The following FAIM variants were observed in gnomAD, a reference collection of about 807,000 sequenced individuals.
FAIM encodes fas apoptotic inhibitory molecule 1.
FAIM carries 14 observed loss-of-function variants against 21.2 expected under a neutral mutation model. The observed-to-expected ratio is 0.66, with a 90% CI of 0.44 to 1.03. The LOEUF is 1.03. Among genes scored for constraint, FAIM ranks in the 50% least tolerant of loss-of-function variants. The probability of loss-of-function intolerance (pLI) is 0.00; values close to 1 mark genes in which losing one functional copy is unlikely to be tolerated. For missense variants in FAIM, 222 were observed against 247.1 expected (o/e 0.90, Z 0.68); for synonymous variants, 86 against 80.4 (o/e 1.07, Z -0.37).
intron 1 of FAIM, among the ~76,000 whole-genome samples, chr3:138,609,301 C>T (rs1252876004): frequency 6.6e-6 from 1 of 151,624 alleles, no homozygotes; most frequent in Admixed American, 6.6e-5. Flanking sequence ...CCTAGCGAGG[C>T]CCTGCCCCGC....
In FAIM at chr3:138,633,215, C is replaced by A; in HGVS notation, c.*136C>A. 2 of 735,422 alleles carry A rather than the reference C, an allele frequency of 2.7e-6. No individual in the cohort carries two copies. The highest frequency in any genetic ancestry group is 3.9e-6 in the Non-Finnish European group (2 of 506,602). 45.6% of individuals were successfully genotyped at this position (735,422 alleles called of 1,614,324 possible). The stretch of plus-strand genomic sequence containing the variant: ...AAAAAGTTACATGAAACTAACATTC[C>A]AAGGGTCAGGAAAAAAACCAATTAT... On this transcript the variant is annotated 3_prime_UTR_variant, in exon 6 of 6. Transcript: ENST00000360570.
chr3:138,617,672 T>A (rs1316256917), intron 1 of FAIM, among the ~76,000 whole-genome samples: 1 of 139,724 alleles, frequency 7.2e-6, no homozygotes, highest in Non-Finnish European at 1.5e-5. Flanking sequence ...ATATATATGT[T>A]TTGAGACAGG....
intron 1 of FAIM, among the ~76,000 whole-genome samples, chr3:138,613,928 G>C (rs2042798996): frequency 6.6e-6 from 1 of 152,158 alleles, no homozygotes; most frequent in Non-Finnish European, 1.5e-5. Context: ...TGTGGTTTTA[G>C]CTCTTACATT....
intron 1 of FAIM, among the ~76,000 whole-genome samples, chr3:138,614,245 G>C (rs2042802022): frequency 6.6e-6 from 1 of 152,100 alleles, no homozygotes; most frequent in South Asian, 2.1e-4. Context: ...TTTGAGACCA[G>C]CTGGGGCAAC....
rs964851671 is a variant in FAIM at position 138,611,022 on chromosome 3, A to T, written c.-17+2085A>T. 1.5e-5 allele frequency: 24 copies of T among 1,613,024 alleles called. No homozygotes were observed. The highest frequency in any genetic ancestry group is 1.9e-5 in the Non-Finnish European group (22 of 1,179,282). ...TATAATCATCTCTTGGTATCTCCGGACTCTGCCACTCTGAGGTTAGTGCCC... is the reference window on the plus strand; with the variant it reads ...TATAATCATCTCTTGGTATCTCCGGTCTCTGCCACTCTGAGGTTAGTGCCC... On this transcript the variant is annotated intron_variant, in intron 1 of 5. Transcript: ENST00000360570.
At chr3:138,623,687 A>G (rs1033164821) in intron 4 of FAIM, among the ~76,000 whole-genome samples, 2 of 152,110 alleles carry the variant, frequency 1.3e-5, no homozygotes, top group Non-Finnish European at 2.9e-5. Context: ...ATTCTTAACA[A>G]CAATATTCTT....
intron 4 of FAIM, among the ~76,000 whole-genome samples, chr3:138,623,811 G>A (rs1253591747): frequency 1.3e-5 from 2 of 152,216 alleles, no homozygotes; most frequent in South Asian, 2.1e-4. Context: ...CACAACTCCT[G>A]CTTTCATCTT....
rs1413855637 is a variant in FAIM at position 138,633,355 on chromosome 3, A to G, written c.*276A>G. On this transcript the variant is annotated 3_prime_UTR_variant, in exon 6 of 6. Coordinates refer to ENST00000360570, the MANE Select transcript of FAIM (RefSeq NM_001033031.2). ...ATGTTTTACAACAGTAACCTTTACT[A>G]TAATAAATACTTTTAAAAAAATCTG... is the stretch of plus-strand genomic sequence containing the variant. The G allele has an allele frequency of 2.4e-5, 5 of 208,274 alleles. No individual in the cohort carries two copies. Among genetic ancestry groups the G allele is most frequent in the Non-Finnish European group, 3.8e-5 (4 of 104,406 alleles). 12.9% of individuals were successfully genotyped at this position (208,274 alleles called of 1,614,324 possible). A position where few individuals can be genotyped will look rare whatever the true frequency, so the allele number is the denominator to read the frequency against.
intron 5 of FAIM, chr3:138,629,692 G>A (rs879659953): frequency 1.3e-5 from 2 of 152,200 alleles, no homozygotes; most frequent in Non-Finnish European, 2.9e-5. Flanking sequence ...TGTAAAATGA[G>A]TGATACAATA....
At chr3:138,616,845 C>T (rs1039914763) in intron 1 of FAIM, among the ~76,000 whole-genome samples, 1 of 151,876 alleles carries the variant, frequency 6.6e-6, no homozygotes, top group Admixed American at 6.6e-5. Context: ...TGATTTGTTA[C>T]TTGGTTTAAG....
At chr3:138,616,131 A>G (rs1277942665) in intron 1 of FAIM, among the ~76,000 whole-genome samples, 2 of 152,212 alleles carry the variant, frequency 1.3e-5, no homozygotes. Context: ...ATTTCCCCGT[A>G]ATGAAGGAGA....
At chr3:138,627,331 G>A (rs185378731) in intron 4 of FAIM, among the ~76,000 whole-genome samples, 105 of 151,906 alleles carry the variant, frequency 6.9e-4, no homozygotes, top group African/African-American at 2.2e-3. Flanking sequence ...ACAGGCGCCC[G>A]CCACTACGTC....
chr3:138,609,331 C>T (rs2042725681), intron 1 of FAIM, among the ~76,000 whole-genome samples: 1 of 151,870 alleles, frequency 6.6e-6, no homozygotes, highest in Admixed American at 6.6e-5. Context: ...CACCCTCCTC[C>T]GGCCTGTTCG....
At chr3:138,616,813 A>G (rs1382038818) in intron 1 of FAIM, among the ~76,000 whole-genome samples, 2 of 152,174 alleles carry the variant, frequency 1.3e-5, no homozygotes, top group Non-Finnish European at 2.9e-5. Context: ...AAAACTGGCA[A>G]AGAGAGTAAC....
intron 5 of FAIM, chr3:138,630,355 G>C (rs1335063786): frequency 1.3e-5 from 2 of 152,184 alleles, no homozygotes; most frequent in Non-Finnish European, 2.9e-5. Context: ...TGGTAGCACA[G>C]GTCTGTAGTG....
At chr3:138,621,258 A>G in intron 2 of FAIM, 149 bp from the exon 3 acceptor site, 1 of 735,800 alleles carries the variant, frequency 1.4e-6, no homozygotes, top group Non-Finnish European at 2.2e-6. Flanking sequence ...AAATAGTTAC[A>G]TGTACTGTGA....
At chr3:138,614,024 C>G (rs776628574) in intron 1 of FAIM, among the ~76,000 whole-genome samples, 4 of 152,150 alleles carry the variant, frequency 2.6e-5, no homozygotes, top group Non-Finnish European at 2.9e-5. Flanking sequence ...TAGTTTTCCC[C>G]ATAACATCTG....
chr3:138,625,649 C>CA (rs1577015346), intron 4 of FAIM, among the ~76,000 whole-genome samples: 1 of 152,092 alleles, frequency 6.6e-6, no homozygotes, highest in East Asian at 1.9e-4. Context: ...AGCAAGGCCA[C>CA]AAAAAAGCTT....
intron 1 of FAIM, among the ~76,000 whole-genome samples, chr3:138,616,040 CAG>C: frequency 6.6e-6 from 1 of 152,188 alleles, no homozygotes; most frequent in African/African-American, 2.4e-5. Context: ...GCACCCTCTA[CAG>C]CTTTGTTAGA....
Sources: allele counts gnomAD v4.1 joint callset (sites outside exome capture counted in the v4.1 genomes callset), GRCh38; gene constraint gnomAD v4.1.1; transcripts MANE v1.5; gene names NCBI Gene and HGNC (gene_info 2026-07-23, HGNC 2026-07-21).